TRIM5: variants seen among roughly 807,000 people sequenced by gnomAD.
TRIM5 encodes the protein tripartite motif containing 5.
TRIM5 carries 31 observed loss-of-function variants against 35.6 expected under a neutral mutation model. The ratio of observed to expected loss-of-function variants is 0.87; its 90% CI spans 0.65 to 1.18. The LOEUF (loss-of-function observed/expected upper bound fraction) is 1.18. Among genes scored for constraint, TRIM5 ranks in the 50% most tolerant of loss-of-function variants. The pLI, the probability that TRIM5 is intolerant of heterozygous loss-of-function variation, is 0.00. For synonymous variants in TRIM5, 243 were observed against 215.6 expected (o/e 1.13, Z -1.11); for missense variants, 609 against 591.6 (o/e 1.03, Z -0.31).
chr11:5,679,748 C>A lies in TRIM5; in HGVS notation c.417+13G>T. On this transcript the variant is annotated intron_variant, in intron 2 of 7. Transcript: ENST00000380034. ...ATTTTCTGCCCTCTCTTCCTTCCATCCCAGTCTCTTACTTGGTACTCCCGG... is the reference window on the plus strand; with the variant it reads ...ATTTTCTGCCCTCTCTTCCTTCCATACCAGTCTCTTACTTGGTACTCCCGG... 1 of 1,559,236 alleles carries A rather than the reference C, an allele frequency of 6.4e-7. No homozygotes were observed. The highest frequency in any genetic ancestry group is 1.2e-5 in the South Asian group (1 of 82,090).
the TRIM5 span, among the ~76,000 whole-genome samples, chr11:5,613,138 A>C: frequency 6.6e-6 from 1 of 152,376 alleles, no homozygotes; most frequent in East Asian, 1.9e-4. Flanking sequence ...ACATATGTTT[A>C]TCTCTACAGA....
intron 1 of TRIM5, among the ~76,000 whole-genome samples, chr11:5,681,449 T>G (rs1852441847): frequency 6.6e-6 from 1 of 152,226 alleles, no homozygotes; most frequent in Non-Finnish European, 1.5e-5. Flanking sequence ...AGTGATTAAC[T>G]TCTTCAAATC....
At chr11:5,596,705 G>T in the TRIM5 span, 4 of 811,426 alleles carry the variant, frequency 4.9e-6, no homozygotes, top group Non-Finnish European at 7.8e-6. Context: ...ACGGCCAAAG[G>T]CTGGCGGAGG....
At chr11:5,592,965 A>G in the TRIM5 span, among the ~76,000 whole-genome samples, 2 of 150,688 alleles carry the variant, frequency 1.3e-5, no homozygotes, top group African/African-American at 4.9e-5. Flanking sequence ...AAAAAATGAG[A>G]GGAAAGTAGG....
chr11:5,662,345 C>A (rs1348129245), downstream of TRIM5, among the ~76,000 whole-genome samples: 4 of 152,114 alleles, frequency 2.6e-5, no homozygotes, highest in Admixed American at 1.3e-4. Flanking sequence ...GGGATCCTAC[C>A]ATGCCCTTCA....
chr11:5,622,803 T>C, the TRIM5 span, among the ~76,000 whole-genome samples: 3 of 152,230 alleles, frequency 2.0e-5, no homozygotes, highest in Non-Finnish European at 4.4e-5. Context: ...GAGAAAACTC[T>C]CAATCAATTT....
At chr11:5,628,074 G>T in the TRIM5 span, among the ~76,000 whole-genome samples, 47 of 152,334 alleles carry the variant, frequency 3.1e-4, no homozygotes, top group South Asian at 5.2e-3. Flanking sequence ...TGCTGGGCTT[G>T]AGCCACACTG....
the TRIM5 span, among the ~76,000 whole-genome samples, chr11:5,623,364 T>C: frequency 6.6e-6 from 1 of 151,914 alleles, no homozygotes; most frequent in African/African-American, 2.4e-5. Context: ...TTATTTTGTT[T>C]ATTTTTATTT....
the TRIM5 span, chr11:5,603,101 G>C: frequency 5.1e-6 from 7 of 1,377,040 alleles, no homozygotes; most frequent in Admixed American, 2.7e-5. Flanking sequence ...GTATGAGCCG[G>C]GATAAAGAAC....
the TRIM5 span, among the ~76,000 whole-genome samples, chr11:5,657,500 TTTATATA>T: frequency 7.2e-6 from 1 of 139,506 alleles, no homozygotes; most frequent in Admixed American, 7.9e-5. Context: ...TATATATATA[TTTATATA>T]TTATATATAA....
the TRIM5 span, chr11:5,643,301 G>A: frequency 1.2e-6 from 2 of 1,613,952 alleles, no homozygotes; most frequent in Non-Finnish European, 1.7e-6. Context: ...ACTGGGAAGT[G>A]GACGTGTCCA....
chr11:5,676,376 A>G (rs910147691), intron 4 of TRIM5, among the ~76,000 whole-genome samples: 7 of 152,180 alleles, frequency 4.6e-5, no homozygotes, highest in Admixed American at 4.6e-4. Context: ...AGAGAATAAA[A>G]TACCTAGGAA....
At chr11:5,682,812 T>C (rs12801311) in intron 1 of TRIM5, among the ~76,000 whole-genome samples, 81,495 of 152,170 alleles carry the variant, frequency 0.54, 21,853 homozygotes, top group African/African-American at 0.55. Flanking sequence ...CACTCGCTCT[T>C]GGCGCCTCCT....
At chr11:5,606,280 T>C in the TRIM5 span, among the ~76,000 whole-genome samples, 1 of 152,204 alleles carries the variant, frequency 6.6e-6, no homozygotes. Flanking sequence ...GGCTCTGGTC[T>C]GTATGTGTGT....
the TRIM5 span, among the ~76,000 whole-genome samples, chr11:5,646,098 AT>A: frequency 1.3e-5 from 2 of 149,172 alleles, no homozygotes; most frequent in African/African-American, 2.5e-5. Flanking sequence ...ATACATGTAT[AT>A]TATATAAATA....
At chr11:5,603,397 G>T in the TRIM5 span, 1 of 1,614,094 alleles carries the variant, frequency 6.2e-7, no homozygotes, top group Non-Finnish European at 8.5e-7. Context: ...CCTGAGCATA[G>T]ACTGTGGCCA....
the TRIM5 span, among the ~76,000 whole-genome samples, chr11:5,600,336 A>C: frequency 6.6e-6 from 1 of 152,236 alleles, no homozygotes; most frequent in Non-Finnish European, 1.5e-5. Context: ...AAATAATTAA[A>C]TTCTTGCTGA....
chr11:5,607,544 C>T, the TRIM5 span, among the ~76,000 whole-genome samples: 1 of 152,018 alleles, frequency 6.6e-6, no homozygotes, highest in Non-Finnish European at 1.5e-5. Flanking sequence ...GATAAAAAGA[C>T]CAAATAGAAA....
the TRIM5 span, among the ~76,000 whole-genome samples, chr11:5,656,697 A>C: frequency 5.3e-5 from 8 of 152,272 alleles, no homozygotes; most frequent in Non-Finnish European, 1.0e-4. Flanking sequence ...GCGGCCAACA[A>C]ACATTTGAAA....
Sources: allele counts gnomAD v4.1 joint callset (sites outside exome capture counted in the v4.1 genomes callset), GRCh38; gene constraint gnomAD v4.1.1; transcripts MANE v1.5; gene names NCBI Gene and HGNC (gene_info 2026-07-23, HGNC 2026-07-21).